Variants in GRIA4 observed in about 807,000 individuals in gnomAD.
The protein encoded by GRIA4 is glutamate receptor 4.
GRIA4 carries 34 observed loss-of-function variants against 104.0 expected under a neutral mutation model. The ratio of observed to expected loss-of-function variants is 0.33; its 90% CI spans 0.25 to 0.44. The LOEUF (loss-of-function observed/expected upper bound fraction) is 0.44, where lower values mean the gene tolerates loss of function less well. Among genes scored for constraint, GRIA4 ranks in the 20% least tolerant of loss-of-function variants. The pLI is 1.00. For synonymous variants in GRIA4, 386 were observed against 381.9 expected, an observed-to-expected ratio of 1.01 and a Z score of -0.13; for missense variants, 750 against 1,096.5, an observed-to-expected ratio of 0.68 and a Z score of 4.46.
At chr11:105,735,424 A>G (rs1938873827) in intron 3 of GRIA4, among the ~76,000 whole-genome samples, 1 of 152,174 alleles carries the variant, frequency 6.6e-6, no homozygotes, top group Non-Finnish European at 1.5e-5. Flanking sequence ...AAATATCCAC[A>G]GAAGTGTTCA....
intron 3 of GRIA4, among the ~76,000 whole-genome samples, chr11:105,716,237 T>C (rs965515659): frequency 1.3e-5 from 2 of 152,148 alleles, no homozygotes; most frequent in African/African-American, 4.8e-5. Context: ...CATTATATCT[T>C]GTGGAACACA....
intron 4 of GRIA4, among the ~76,000 whole-genome samples, chr11:105,833,968 A>T (rs971497935): frequency 2.6e-5 from 4 of 152,048 alleles, no homozygotes; most frequent in Admixed American, 2.0e-4. Context: ...ATGCCTTTCC[A>T]TTCCAGAATA....
At chr11:105,963,111 C>A (rs942256456) in intron 14 of GRIA4, among the ~76,000 whole-genome samples, 1 of 152,086 alleles carries the variant, frequency 6.6e-6, no homozygotes, top group Admixed American at 6.5e-5. Context: ...ATTTATCTAA[C>A]TTCTTATGGC....
At chr11:105,834,142 T>G (rs1050107871) in intron 4 of GRIA4, among the ~76,000 whole-genome samples, 7 of 152,022 alleles carry the variant, frequency 4.6e-5, no homozygotes, top group Admixed American at 3.3e-4. Context: ...ATGAGAGAAT[T>G]GACAGAGGAG....
chr11:105,979,357 TC>T (rs1859156503), intron 16 of GRIA4, among the ~76,000 whole-genome samples: 1 of 152,230 alleles, frequency 6.6e-6, no homozygotes, highest in Admixed American at 6.5e-5. Context: ...AATTAGTTTT[TC>T]CACAAGTAGG....
chr11:105,622,853 C>T (rs910649298), intron 3 of GRIA4, among the ~76,000 whole-genome samples: 1 of 151,550 alleles, frequency 6.6e-6, no homozygotes, highest in African/African-American at 2.4e-5. Context: ...CCCCATTATT[C>T]AGAGTCTACA....
intron 14 of GRIA4, among the ~76,000 whole-genome samples, chr11:105,954,387 T>G (rs532040448): frequency 6.6e-6 from 1 of 152,296 alleles, no homozygotes; most frequent in Non-Finnish European, 1.5e-5. Context: ...ACTGAAAGCT[T>G]TGTTTTTTAC....
intron 3 of GRIA4, among the ~76,000 whole-genome samples, chr11:105,710,643 C>T (rs1028833365): frequency 6.6e-6 from 1 of 152,062 alleles, no homozygotes; most frequent in South Asian, 2.1e-4. Flanking sequence ...CTTGGACAAG[C>T]TAGTTGTGGG....
intron 14 of GRIA4, among the ~76,000 whole-genome samples, chr11:105,960,321 G>A (rs28401290): frequency 6.6e-6 from 1 of 152,220 alleles, no homozygotes; most frequent in African/African-American, 2.4e-5. Context: ...GGAGTTACTG[G>A]AGATCCTGCG....
intron 4 of GRIA4, among the ~76,000 whole-genome samples, chr11:105,774,506 C>A (rs11226843): frequency 6.6e-6 from 1 of 151,776 alleles, no homozygotes; most frequent in Non-Finnish European, 1.5e-5. Flanking sequence ...ATTCAAAAGG[C>A]AAATATGTTT....
intron 4 of GRIA4, among the ~76,000 whole-genome samples, chr11:105,779,055 G>T (rs1355639891): frequency 6.7e-6 from 1 of 149,520 alleles, no homozygotes; most frequent in Non-Finnish European, 1.5e-5. Context: ...TTGTCCTTGC[G>T]ATAGTTTGCT....
intron 3 of GRIA4, among the ~76,000 whole-genome samples, chr11:105,733,889 C>A (rs1249071896): frequency 6.6e-6 from 1 of 151,324 alleles, no homozygotes; most frequent in African/African-American, 2.4e-5. Context: ...CTTCTCATGC[C>A]TTTCCTGGTA....
At chr11:105,766,645 A>C (rs1052159631) in intron 4 of GRIA4, among the ~76,000 whole-genome samples, 1 of 152,170 alleles carries the variant, frequency 6.6e-6, no homozygotes, top group African/African-American at 2.4e-5. Flanking sequence ...CTAAAGGTAG[A>C]GGCACCATCA....
intron 4 of GRIA4, among the ~76,000 whole-genome samples, chr11:105,845,540 C>T (rs1160078845): frequency 6.6e-6 from 1 of 151,982 alleles, no homozygotes; most frequent in Non-Finnish European, 1.5e-5. Context: ...ACAATCTGCC[C>T]CTAGATTTGC....
At chr11:105,794,595 G>A (rs1942403097) in intron 4 of GRIA4, among the ~76,000 whole-genome samples, 1 of 132,742 alleles carries the variant, frequency 7.5e-6, no homozygotes, top group Non-Finnish European at 1.6e-5. Context: ...TCTCTCATAA[G>A]ATATATACAT....
chr11:105,620,933 C>CAAAT (rs1950728073), intron 3 of GRIA4, among the ~76,000 whole-genome samples: 1 of 151,502 alleles, frequency 6.6e-6, no homozygotes, highest in Non-Finnish European at 1.5e-5. Flanking sequence ...TTTTGGATTT[C>CAAAT]AAATAAATAG....
chr11:105,914,937 A>G (rs891795973), intron 10 of GRIA4, among the ~76,000 whole-genome samples: 4 of 152,108 alleles, frequency 2.6e-5, no homozygotes, highest in Non-Finnish European at 5.9e-5. Flanking sequence ...TTCTTCCCCC[A>G]TAGTAGCCCC....
intron 3 of GRIA4, among the ~76,000 whole-genome samples, chr11:105,627,094 C>T (rs1352071553): frequency 6.6e-6 from 1 of 152,138 alleles, no homozygotes; most frequent in Non-Finnish European, 1.5e-5. Context: ...TTTTCTTCAC[C>T]TCTCATAGGT....
intron 3 of GRIA4, among the ~76,000 whole-genome samples, chr11:105,630,743 A>G (rs1034609444): frequency 6.6e-6 from 1 of 152,106 alleles, no homozygotes; most frequent in Non-Finnish European, 1.5e-5. Flanking sequence ...TTAAAAATGG[A>G]AAACAGTTTT....
Sources: gnomAD v4.1 joint callset for allele counts (sites outside exome capture counted in the v4.1 genomes callset) on GRCh38, gnomAD v4.1.1 for gene constraint, MANE v1.5 for transcripts, NCBI Gene and HGNC (gene_info 2026-07-23, HGNC 2026-07-21) for gene names.